DLG2: variants seen among roughly 807,000 people sequenced by gnomAD.
DLG2 encodes the protein disks large homolog 2.
Under a neutral mutation model 132.5 loss-of-function variants are expected in DLG2, and 45 were observed. The observed-to-expected ratio is 0.34, with a 90% confidence interval of 0.27 to 0.44. DLG2 has a LOEUF of 0.44. Among genes scored for constraint, DLG2 ranks in the 20% least tolerant of loss-of-function variants. The pLI, the probability that DLG2 is intolerant of heterozygous loss-of-function variation, is 1.00. For missense variants in DLG2, 1,045 were observed against 1,196.9 expected, an observed-to-expected ratio of 0.87 and a Z score of 1.87; for synonymous variants, 424 against 419.6, an observed-to-expected ratio of 1.01 and a Z score of -0.13.
chr11:83,607,200 C>T (rs1198025709), intron 19 of DLG2, among the ~76,000 whole-genome samples: 1 of 152,128 alleles, frequency 6.6e-6, no homozygotes, highest in Non-Finnish European at 1.5e-5. Context: ...TTTGATTGGC[C>T]AAAACTCCAT....
At position 85,284,963 on chromosome 11, in the gene DLG2, C is replaced by T. The variant is rs115256024; in HGVS notation, c.186+257G>A. On this transcript the variant is annotated intron_variant, in intron 4 of 27. Transcript: ENST00000376104. ...TTCTGAAACTCCAGAATGCCTTAGACTTGAGTCAACTCAAACTATGACAAT... is the reference window on the plus strand; with the variant it reads ...TTCTGAAACTCCAGAATGCCTTAGATTTGAGTCAACTCAAACTATGACAAT... 4.8e-3 allele frequency among the ~76,000 whole-genome samples: 725 copies of T among 151,974 alleles called. 5 individuals carry two copies. Among genetic ancestry groups the T allele is most frequent in the African/African-American group, 0.016 (665 of 41,510 alleles).
intron 3 of DLG2, among the ~76,000 whole-genome samples, chr11:85,492,770 C>G (rs77687788): frequency 6.7e-6 from 1 of 148,182 alleles, no homozygotes; most frequent in Non-Finnish European, 1.5e-5. Flanking sequence ...AGGGAGGTAC[C>G]TTAAAAGGAT....
intron 14 of DLG2, among the ~76,000 whole-genome samples, chr11:83,936,813 G>A (rs1203083194): frequency 1.3e-5 from 2 of 152,194 alleles, no homozygotes; most frequent in Admixed American, 1.3e-4. Context: ...CTTGACAATG[G>A]TGATTGTAAC....
intron 6 of DLG2, among the ~76,000 whole-genome samples, chr11:84,862,684 C>T (rs1272044070): frequency 6.6e-6 from 1 of 151,928 alleles, no homozygotes; most frequent in East Asian, 1.9e-4. Flanking sequence ...CTGGATGAAG[C>T]TGGAAACCAT....
intron 3 of DLG2, among the ~76,000 whole-genome samples, chr11:85,546,359 GT>G (rs2076324144): frequency 6.6e-6 from 1 of 152,168 alleles, no homozygotes; most frequent in African/African-American, 2.4e-5. Context: ...CTGAGAGACT[GT>G]TTGTTATGAT....
At chr11:83,534,893 A>C (rs544448752) in intron 20 of DLG2, among the ~76,000 whole-genome samples, 51 of 152,366 alleles carry the variant, frequency 3.3e-4, no homozygotes, top group African/African-American at 1.1e-3. Context: ...CAGTGAGCCT[A>C]GATCATGCTA....
chr11:84,220,406 C>T lies in DLG2; in HGVS notation c.573+30832G>A, dbSNP rs2096896647. Among the ~76,000 whole-genome samples the T allele has an allele frequency of 2.0e-5, 3 of 152,138 alleles. No individual in the cohort carries two copies. The South Asian group carries it at 6.2e-4, about 32-fold the overall frequency. On this transcript the variant is annotated intron_variant, in intron 8 of 27. Coordinates refer to ENST00000376104, the MANE Select transcript of DLG2 (RefSeq NM_001142699.3). The stretch of plus-strand genomic sequence containing the variant: ...CTATTTACCATAGGTTTTCTAATTA[C>T]CTTAATGACTCTAAACACAGAATCA...
Position 83,457,451 on chromosome 11 carries a change from A to T in DLG2, c.*2367T>A, listed in dbSNP as rs1284335347. 1 of 152,666 alleles carries T rather than the reference A, an allele frequency of 6.6e-6. No homozygotes were observed. The highest frequency in any genetic ancestry group is 1.5e-5 in the Non-Finnish European group (1 of 68,050). The allele number at this position is 152,666 out of a possible 1,614,324, so 9.5% of individuals were successfully genotyped here. A position where few individuals can be genotyped will look rare whatever the true frequency, so the allele number is the denominator to read the frequency against. ...TTATATAAATCTACATAAAAAAATC[A>T]GTGCAAATGCCAATTCTAATCTGAA... On this transcript the variant is annotated 3_prime_UTR_variant, in exon 28 of 28. Transcript: ENST00000376104.
At chr11:85,305,487 A>G (rs1389878050) in intron 3 of DLG2, among the ~76,000 whole-genome samples, 1 of 152,178 alleles carries the variant, frequency 6.6e-6, no homozygotes, top group East Asian at 1.9e-4. Flanking sequence ...AATCTGAAAT[A>G]GGCTTTGGAT....
intron 6 of DLG2, among the ~76,000 whole-genome samples, chr11:84,954,914 G>A (rs1292008764): frequency 6.6e-6 from 1 of 152,192 alleles, no homozygotes; most frequent in Non-Finnish European, 1.5e-5. Flanking sequence ...TGTACTACAC[G>A]AGGGTTGGCA....
intron 6 of DLG2, among the ~76,000 whole-genome samples, chr11:85,060,269 A>G (rs1360015007): frequency 1.3e-5 from 2 of 151,312 alleles, no homozygotes; most frequent in African/African-American, 4.8e-5. Flanking sequence ...ATTGTAGCAT[A>G]TGACAAGATT....
intron 6 of DLG2, among the ~76,000 whole-genome samples, chr11:84,614,991 G>T (rs1326167139): frequency 1.3e-5 from 2 of 152,034 alleles, no homozygotes. Flanking sequence ...ATAACTGATA[G>T]AACTCTTAAG....
At chr11:85,600,409 G>A (rs1006747333) in intron 2 of DLG2, among the ~76,000 whole-genome samples, 1 of 152,134 alleles carries the variant, frequency 6.6e-6, no homozygotes, top group African/African-American at 2.4e-5. Flanking sequence ...TTCCACACAG[G>A]TGTGCTGGTA....
At chr11:83,664,849 A>T (rs1566401022) in intron 18 of DLG2, among the ~76,000 whole-genome samples, 1 of 152,212 alleles carries the variant, frequency 6.6e-6, no homozygotes, top group Non-Finnish European at 1.5e-5. Flanking sequence ...AGCCAGCACT[A>T]ACATTTATTT....
At chr11:84,815,689 C>A (rs2077015764) in intron 6 of DLG2, among the ~76,000 whole-genome samples, 1 of 151,898 alleles carries the variant, frequency 6.6e-6, no homozygotes, top group Non-Finnish European at 1.5e-5. Context: ...TTAAGAAGGT[C>A]AATTTGCCGA....
At chr11:83,477,137 A>G (rs2136968755) in intron 22 of DLG2, among the ~76,000 whole-genome samples, 1 of 152,246 alleles carries the variant, frequency 6.6e-6, no homozygotes, top group South Asian at 2.1e-4. Context: ...ATGATGATGT[A>G]AAGAGCTTTA....
chr11:84,052,185 A>C (rs1446514562), intron 11 of DLG2, among the ~76,000 whole-genome samples: 1 of 151,970 alleles, frequency 6.6e-6, no homozygotes, highest in Admixed American at 6.6e-5. Context: ...TATATGACAC[A>C]TCATAACTCA....
At chr11:84,190,955 C>T (rs181047942) in intron 8 of DLG2, among the ~76,000 whole-genome samples, 14 of 152,084 alleles carry the variant, frequency 9.2e-5, no homozygotes, top group East Asian at 3.8e-4. Flanking sequence ...AAAATAAACA[C>T]GTTCATTAAG....
intron 16 of DLG2, among the ~76,000 whole-genome samples, chr11:83,837,116 G>T (rs560291752): frequency 1.3e-5 from 2 of 152,164 alleles, no homozygotes; most frequent in Non-Finnish European, 2.9e-5. Flanking sequence ...GGGCCCTGCT[G>T]ATACTATCCT....
Sources: allele counts gnomAD v4.1 joint callset (sites outside exome capture counted in the v4.1 genomes callset), GRCh38; gene constraint gnomAD v4.1.1; transcripts MANE v1.5; gene names NCBI Gene and HGNC (gene_info 2026-07-23, HGNC 2026-07-21).